The following ABCC5 variants were observed in gnomAD, a reference collection of about 807,000 sequenced individuals.
The protein encoded by ABCC5 is ATP binding cassette subfamily C member 5.
In ABCC5, 61 loss-of-function variants were observed where a neutral mutation model predicts 160.9. The observed-to-expected ratio is 0.38, with a 90% CI of 0.31 to 0.47. ABCC5 has a LOEUF of 0.47. ABCC5 is among the 20% of genes least tolerant of loss of function. The pLI is 0.99. For missense variants in ABCC5, 1,308 were observed against 1,813.3 expected, an observed-to-expected ratio of 0.72 and a Z score of 5.06; for synonymous variants, 666 against 700.6, an observed-to-expected ratio of 0.95 and a Z score of 0.78.
At chr3:183,979,174 G>A (rs145173947) in intron 8 of ABCC5, among the ~76,000 whole-genome samples, 88 of 152,182 alleles carry the variant, frequency 5.8e-4, no homozygotes, top group African/African-American at 1.6e-3. Flanking sequence ...GCAAAACCCC[G>A]TCCCTGCTAA....
intron 1 of ABCC5, among the ~76,000 whole-genome samples, chr3:184,014,730 C>A (rs557177234): frequency 2.6e-5 from 4 of 151,860 alleles, no homozygotes; most frequent in Non-Finnish European, 5.9e-5. Context: ...GACACCCATT[C>A]TCTTCAACTA....
rs1028623795 is a variant in ABCC5, at chr3:183,988,813, A to G, written c.288-86T>C. ...TTAATGGACACTGTTTAGTGAACAC[A>G]GCTCTTAGCTAAAGACCAGTCTCCC... On this transcript the variant is annotated intron_variant, in intron 3 of 29. Transcript: ENST00000334444. The surrounding 1 kb of genome is among the most constrained non-coding windows in gnomAD (Gnocchi z 4.4). 4 of 1,394,010 alleles carry G rather than the reference A, an allele frequency of 2.9e-6. No individual in the cohort carries two copies. The highest frequency in any genetic ancestry group is 1.4e-5 in the African/African-American group (1 of 69,178). 86.4% of individuals were successfully genotyped at this position (1,394,010 alleles called of 1,614,324 possible). A position where few individuals can be genotyped will look rare whatever the true frequency, so the allele number is the denominator to read the frequency against.
Position 183,956,914 on chromosome 3 carries a change from A to G in ABCC5, c.2482+2819T>C, listed in dbSNP as rs868733647. 1.8e-3 allele frequency among the ~76,000 whole-genome samples: 234 copies of G among 131,492 alleles called. 1 individual carries two copies. The highest frequency in any genetic ancestry group is 3.8e-3 in the East Asian group (14 of 3,706). 86.3% of individuals were successfully genotyped at this position (131,492 alleles called of 152,430 possible). ...TGTGTATATCATATAGGTTACATGC[A>G]GATCCGTGTGTAAATCACATCGGTT... On this transcript the variant is annotated intron_variant, in intron 17 of 29. Coordinates refer to ENST00000334444, the MANE Select transcript of ABCC5 (RefSeq NM_005688.4).
At chr3:183,950,218 A>G (rs1577501673) in intron 20 of ABCC5, 93 bp from the exon 21 acceptor site, 5 of 1,392,050 alleles carry the variant, frequency 3.6e-6, no homozygotes, top group African/African-American at 1.5e-5. Context: ...CAAACTCTCT[A>G]TCTGAAGTTT....
At chr3:183,936,489 T>G (rs1190254741) in intron 26 of ABCC5, among the ~76,000 whole-genome samples, 1 of 151,574 alleles carries the variant, frequency 6.6e-6, no homozygotes, top group East Asian at 1.9e-4. Flanking sequence ...TTCTGAAAAC[T>G]GCTAAAAATT....
intron 17 of ABCC5, among the ~76,000 whole-genome samples, chr3:183,955,338 T>G (rs981853795): frequency 1.3e-5 from 2 of 152,200 alleles, no homozygotes; most frequent in African/African-American, 4.8e-5. Flanking sequence ...GAGACTGTTC[T>G]GTCAGTCTTA....
chr3:183,948,701 T>A (rs1471216402), intron 22 of ABCC5, among the ~76,000 whole-genome samples: 2 of 152,088 alleles, frequency 1.3e-5, no homozygotes, highest in Non-Finnish European at 2.9e-5. Flanking sequence ...TATTCTAAAT[T>A]TTTATTTTTA....
rs1162091420 is a variant in ABCC5, at chr3:183,945,897, T to C, written c.3457A>G (p.Thr1153Ala). The C allele has an allele frequency of 1.9e-6, 3 of 1,614,024 alleles. No individual in the cohort carries two copies. In the African/African-American group the frequency reaches 4.0e-5, roughly 22 times the overall value. ...TCCACCGAGGTGAATCGAGCTTCTG[T>C]CTCAGATGCCAGTCTGACCGTAAAC... ...FQFTVRLASE[T>A]EARFTSVERI... The change falls in exon 24 of 30, where the codon ACA (threonine) becomes GCA (alanine). Residue 1153 changes from threonine (T) to alanine (A), a missense_variant. This residue lies in a region of ABCC5 where 1,142 missense variants were observed against 1,527.1 expected (regional missense o/e 0.75). Transcript: ENST00000334444.
chr3:183,939,983 G>A (rs1050976370), intron 25 of ABCC5, among the ~76,000 whole-genome samples: 8 of 151,988 alleles, frequency 5.3e-5, no homozygotes, highest in African/African-American at 1.7e-4. Context: ...CTACAGCCAC[G>A]ACCCCACTGT....
Position 183,951,692 on chromosome 3 carries a change from G to A in ABCC5, c.2815-122C>T, listed in dbSNP as rs1715365553. 1 of 1,483,174 alleles carries A rather than the reference G, an allele frequency of 6.7e-7. No individual in the cohort carries two copies. Among genetic ancestry groups the A allele is most frequent in the African/African-American group, 1.4e-5 (1 of 72,168 alleles). 91.9% of individuals were successfully genotyped at this position (1,483,174 alleles called of 1,614,324 possible). On this transcript the variant is annotated intron_variant, in intron 19 of 29. Transcript: ENST00000334444. The surrounding 1 kb of genome is among the most constrained non-coding windows in gnomAD (Gnocchi z 4.7). ...GAGGTGTGAGGGGTCAGGAGGGACA[G>A]GTGGCAAGTGAGAAAAGGTGGAGGC...
chr3:183,994,268 A>G (rs1720052979), intron 2 of ABCC5, among the ~76,000 whole-genome samples: 1 of 152,210 alleles, frequency 6.6e-6, no homozygotes, highest in African/African-American at 2.4e-5. Context: ...TATGATTCAA[A>G]TATTAGTTGT....
In ABCC5 at chr3:183,956,054, C is replaced by T. The variant is rs1247202964; in HGVS notation, c.2483-2784G>A. ...TATATCACATCAGTTACATGCAGATCCGTGTGTATATCACATCGGTTACAT... is the reference window on the plus strand; with the variant it reads ...TATATCACATCAGTTACATGCAGATTCGTGTGTATATCACATCGGTTACAT... On this transcript the variant is annotated intron_variant, in intron 17 of 29. Coordinates refer to ENST00000334444, the MANE Select transcript of ABCC5 (RefSeq NM_005688.4). 3.5e-5 allele frequency among the ~76,000 whole-genome samples: 5 copies of T among 142,746 alleles called. 1 individual carries two copies. The East Asian group carries it at 1.0e-3, about 29-fold the overall frequency. 93.6% of individuals were successfully genotyped at this position (142,746 alleles called of 152,430 possible).
At chr3:183,959,309 G>A (rs775525660) in intron 17 of ABCC5, among the ~76,000 whole-genome samples, 23 of 152,118 alleles carry the variant, frequency 1.5e-4, no homozygotes, top group Non-Finnish European at 2.6e-4. Flanking sequence ...ACAAAGTGAC[G>A]AGTCTACTGT....
At chr3:183,984,405 C>T in intron 5 of ABCC5, 1 of 993,970 alleles carries the variant, frequency 1.0e-6, no homozygotes, top group Non-Finnish European at 1.2e-6. Context: ...GCAAAGGTGA[C>T]TGCAGCTGTA....
chr3:183,970,780 A>G (rs1259900284), intron 11 of ABCC5, among the ~76,000 whole-genome samples: 5 of 152,080 alleles, frequency 3.3e-5, no homozygotes, highest in Non-Finnish European at 7.3e-5. Flanking sequence ...CTGATATGCA[A>G]TATATTGTAT....
At position 183,961,629 on chromosome 3, in the gene ABCC5, A is replaced by G; in HGVS notation, c.2261T>C (p.Ile754Thr). The G allele has an allele frequency of 6.2e-7, 1 of 1,614,236 alleles. No individual in the cohort carries two copies. The highest frequency in any genetic ancestry group is 8.5e-7 in the Non-Finnish European group (1 of 1,180,022). Residue 754 changes from isoleucine to threonine, a missense_variant, in exon 16 of 30, where the codon ATC becomes ACC. This residue lies in a region of ABCC5 where 1,142 missense variants were observed against 1,527.1 expected (regional missense o/e 0.75). Transcript: ENST00000334444. ...CGTAATACAGCCCTCTTTCATGAAG[A>G]TCACTTCATCACAGTCAACCAGGTA... is the stretch of plus-strand genomic sequence containing the variant. ...LQYLVDCDEV[I>T]FMKEGCITER...
At chr3:183,979,293 C>T (rs1419992961) in intron 8 of ABCC5, among the ~76,000 whole-genome samples, 1 of 150,414 alleles carries the variant, frequency 6.6e-6, no homozygotes, top group Admixed American at 6.6e-5. Context: ...TGCAGTGCAC[C>T]GAGATTGCAC....
rs751646352 is a variant in ABCC5 at position 184,017,748 on chromosome 3, C to T, written c.-56+82G>A. 1.3e-5 allele frequency: 2 copies of T among 152,458 alleles called. No homozygotes were observed. Among genetic ancestry groups the T allele is most frequent in the Non-Finnish European group, 2.9e-5 (2 of 68,248 alleles). 9.4% of individuals were successfully genotyped at this position (152,458 alleles called of 1,614,324 possible). ...TGCTCGCAGCCCTGGCCACATCCCG[C>T]CACGCCCCGAGGAAATGCAAAGGGG... On this transcript the variant is annotated intron_variant, in intron 1 of 29. Coordinates refer to ENST00000334444, the MANE Select transcript of ABCC5 (RefSeq NM_005688.4). This position sits in a 1 kb window ranked among gnomAD's most constrained non-coding sequence, Gnocchi z 4.5.
chr3:183,967,528 T>C, intron 12 of ABCC5, 167 bp downstream of exon 12: 1 of 637,910 alleles, frequency 1.6e-6, no homozygotes, highest in Non-Finnish European at 2.8e-6. Flanking sequence ...CAGAAGGCTG[T>C]GAAGGGGGAG....
Sources: gnomAD v4.1 joint callset for allele counts (sites outside exome capture counted in the v4.1 genomes callset) on GRCh38, gnomAD v4.1.1 for gene constraint, gnomAD v4.1.1 regional missense constraint, Gnocchi (gnomAD v3.1) non-coding constraint, MANE v1.5 for transcripts, NCBI Gene and HGNC (gene_info 2026-07-23, HGNC 2026-07-21) for gene names.